Variants in SLC44A5 observed in about 807,000 individuals in gnomAD.
SLC44A5 encodes choline transporter-like protein 5.
In SLC44A5, 57 loss-of-function variants were observed where a neutral mutation model predicts 101.8. The observed-to-expected ratio is 0.56, with a 90% confidence interval of 0.45 to 0.70. The LOEUF (loss-of-function observed/expected upper bound fraction) is 0.70, where lower values mean the gene tolerates loss of function less well. Among genes scored for constraint, SLC44A5 ranks in the 30% least tolerant of loss-of-function variants. The pLI, the probability that SLC44A5 is intolerant of heterozygous loss-of-function variation, is 0.00. For missense variants in SLC44A5, 737 were observed against 853.1 expected (o/e 0.86, Z 1.70); for synonymous variants, 281 against 290.9 (o/e 0.97, Z 0.35).
chr1:75,393,598 T>C (rs1275412180), intron 3 of SLC44A5, among the ~76,000 whole-genome samples: 2 of 152,224 alleles, frequency 1.3e-5, no homozygotes, highest in South Asian at 2.1e-4. Context: ...AATTATGTAC[T>C]ATAAATTAGA....
intron 6 of SLC44A5, among the ~76,000 whole-genome samples, chr1:75,265,045 A>G (rs1041348527): frequency 1.3e-5 from 2 of 152,198 alleles, no homozygotes; most frequent in African/African-American, 4.8e-5. Context: ...ATAACCTACC[A>G]AGGTTGAATC....
At chr1:75,364,951 T>C (rs2101133089) in intron 3 of SLC44A5, among the ~76,000 whole-genome samples, 1 of 152,280 alleles carries the variant, frequency 6.6e-6, no homozygotes, top group South Asian at 2.1e-4. Context: ...TTTCTATTTT[T>C]GTCAAACTTA....
chr1:75,709,725 C>A, the SLC44A5 span, among the ~76,000 whole-genome samples: 1 of 152,168 alleles, frequency 6.6e-6, no homozygotes, highest in African/African-American at 2.4e-5. Context: ...ATCAGTCTTG[C>A]TAGAGGCACG....
chr1:75,465,699 T>C (rs1340933145), intron 2 of SLC44A5, among the ~76,000 whole-genome samples: 1 of 151,926 alleles, frequency 6.6e-6, no homozygotes, highest in Non-Finnish European at 1.5e-5. Flanking sequence ...AAAGGAGATA[T>C]TACAACTGAT....
the SLC44A5 span, among the ~76,000 whole-genome samples, chr1:75,651,753 A>C: frequency 6.6e-6 from 1 of 151,164 alleles, no homozygotes; most frequent in East Asian, 1.9e-4. Flanking sequence ...CAGCCACATT[A>C]CTGATTATAA....
the SLC44A5 span, among the ~76,000 whole-genome samples, chr1:75,695,714 T>C: frequency 3.4e-5 from 5 of 148,368 alleles, no homozygotes; most frequent in Admixed American, 6.8e-5. Flanking sequence ...TATAAAAATA[T>C]ATGACTTATA....
chr1:75,366,571 A>G (rs530092447), intron 3 of SLC44A5, among the ~76,000 whole-genome samples: 12 of 152,316 alleles, frequency 7.9e-5, no homozygotes, highest in African/African-American at 2.6e-4. Flanking sequence ...TATTGCTGTC[A>G]AGATTTGGGA....
intron 2 of SLC44A5, among the ~76,000 whole-genome samples, chr1:75,524,390 G>C (rs373064294): frequency 6.6e-6 from 1 of 152,022 alleles, no homozygotes. Context: ...AGCAGTGTGA[G>C]AATGAACTAA....
chr1:75,549,685 T>C (rs1671834148), intron 1 of SLC44A5, among the ~76,000 whole-genome samples: 1 of 152,138 alleles, frequency 6.6e-6, no homozygotes, highest in Non-Finnish European at 1.5e-5. Context: ...ACCGTGTACT[T>C]ACAAGGTGAG....
At chr1:75,443,656 C>T (rs1410817873) in intron 2 of SLC44A5, among the ~76,000 whole-genome samples, 2 of 151,490 alleles carry the variant, frequency 1.3e-5, no homozygotes, top group East Asian at 1.9e-4. Flanking sequence ...GAACATATCT[C>T]AATATTCAAA....
intron 18 of SLC44A5, among the ~76,000 whole-genome samples, chr1:75,216,559 A>G (rs893897412): frequency 6.6e-6 from 1 of 151,936 alleles, no homozygotes; most frequent in Non-Finnish European, 1.5e-5. Context: ...CATTCCCTCC[A>G]GCAATACACA....
intron 4 of SLC44A5, among the ~76,000 whole-genome samples, chr1:75,319,834 G>A (rs1656004999): frequency 6.6e-6 from 1 of 151,922 alleles, no homozygotes; most frequent in Non-Finnish European, 1.5e-5. Context: ...TCCTAGAAGA[G>A]GAAAAAAATA....
intron 4 of SLC44A5, among the ~76,000 whole-genome samples, chr1:75,325,510 C>G (rs1050857775): frequency 1.3e-5 from 2 of 148,474 alleles, no homozygotes; most frequent in Non-Finnish European, 2.9e-5. Flanking sequence ...TTCAGTTACT[C>G]TGGGTCAACT....
chr1:75,328,918 G>C (rs936800873), intron 4 of SLC44A5, among the ~76,000 whole-genome samples: 2 of 152,140 alleles, frequency 1.3e-5, no homozygotes, highest in African/African-American at 4.8e-5. Context: ...TGAGGAGTGT[G>C]GTATGCAGAC....
intron 4 of SLC44A5, among the ~76,000 whole-genome samples, chr1:75,332,261 AT>A (rs1166734484): frequency 6.6e-6 from 1 of 152,186 alleles, no homozygotes; most frequent in Non-Finnish European, 1.5e-5. Flanking sequence ...TTATATTGAC[AT>A]GTAGGAAGCC....
chr1:75,386,960 A>T (rs1661402161), intron 3 of SLC44A5, among the ~76,000 whole-genome samples: 1 of 152,054 alleles, frequency 6.6e-6, no homozygotes, highest in Non-Finnish European at 1.5e-5. Flanking sequence ...GCAATGGGGA[A>T]AGGATTCCCT....
intron 1 of SLC44A5, among the ~76,000 whole-genome samples, chr1:75,607,894 T>C (rs1675420485): frequency 6.6e-6 from 1 of 152,000 alleles, no homozygotes; most frequent in African/African-American, 2.4e-5. Context: ...ATTAGCAGCA[T>C]GAAAACAAAC....
At chr1:75,214,037 T>G (rs748306329) in intron 20 of SLC44A5, 48 bp from the exon 21 acceptor site, 2 of 1,207,366 alleles carry the variant, frequency 1.7e-6, no homozygotes, top group South Asian at 2.7e-5. Flanking sequence ...TAAAATATAC[T>G]TGGTACTTGA....
intron 4 of SLC44A5, among the ~76,000 whole-genome samples, chr1:75,336,485 T>C (rs1313981952): frequency 1.3e-5 from 2 of 152,320 alleles, no homozygotes; most frequent in East Asian, 1.9e-4. Context: ...CAGCTATGCT[T>C]GACAATGTCA....
Sources: gnomAD v4.1 joint callset for allele counts (sites outside exome capture counted in the v4.1 genomes callset) on GRCh38, gnomAD v4.1.1 for gene constraint, MANE v1.5 for transcripts, NCBI Gene and HGNC (gene_info 2026-07-23, HGNC 2026-07-21) for gene names.